Variants in SNX25 observed in about 807,000 individuals in gnomAD.
The protein encoded by SNX25 is sorting nexin 25, also known as sorting nexin-25.
SNX25 carries 62 observed loss-of-function variants against 113.7 expected under a neutral mutation model. The ratio of observed to expected loss-of-function variants is 0.55; its 90% CI spans 0.44 to 0.67. The LOEUF (loss-of-function observed/expected upper bound fraction) is 0.67, where lower values mean the gene tolerates loss of function less well. SNX25 is among the 30% of genes least tolerant of loss of function. The pLI is 0.00. For synonymous variants in SNX25, 421 were observed against 436.2 expected, an observed-to-expected ratio of 0.97 and a Z score of 0.43; for missense variants, 1,014 against 1,161.0, an observed-to-expected ratio of 0.87 and a Z score of 1.84.
intron 1 of SNX25, among the ~76,000 whole-genome samples, chr4:185,229,294 G>A (rs1474984671): frequency 6.6e-6 from 1 of 152,166 alleles, no homozygotes; most frequent in Non-Finnish European, 1.5e-5. Context: ...GAAGGGAAGG[G>A]TCAGAGGCCT....
In SNX25 at chr4:185,307,063, C is replaced by G. The variant is rs943343450; in HGVS notation, c.1163-3572C>G. On this transcript the variant is annotated intron_variant, in intron 6 of 18. Coordinates refer to ENST00000652585, the MANE Select transcript of SNX25 (RefSeq NM_001378034.2). ...AACAAGTCCATGTATTGACCTGAGG[C>G]CTGCCTGTGGCCCTTTGTGTTAAGT... Among the ~76,000 whole-genome samples, 3 of 152,320 alleles carry G rather than the reference C, an allele frequency of 2.0e-5. No individual in the cohort carries two copies. The East Asian group carries it at 5.8e-4, about 29-fold the overall frequency.
intron 6 of SNX25, among the ~76,000 whole-genome samples, chr4:185,304,519 G>A (rs1230932686): frequency 2.6e-5 from 4 of 152,018 alleles, no homozygotes; most frequent in African/African-American, 9.7e-5. Context: ...CACCATGCCC[G>A]GCTAATTTAG....
intron 1 of SNX25, among the ~76,000 whole-genome samples, chr4:185,245,000 C>G (rs985202521): frequency 3.3e-5 from 5 of 152,190 alleles, no homozygotes; most frequent in Admixed American, 3.3e-4. Flanking sequence ...TTGATTGCAT[C>G]TGTGCTGGTC....
At chr4:185,221,298 G>C (rs1207305287) in intron 1 of SNX25, among the ~76,000 whole-genome samples, 1 of 152,104 alleles carries the variant, frequency 6.6e-6, no homozygotes, top group Non-Finnish European at 1.5e-5. Flanking sequence ...CTCCCAAAGT[G>C]CTGGAATTAC....
intron 17 of SNX25, 22 bp from the exon 18 acceptor site, chr4:185,362,589 G>C (rs1427538308): frequency 1.2e-6 from 2 of 1,606,456 alleles, no homozygotes; most frequent in South Asian, 2.2e-5. Flanking sequence ...TAGCAGCATA[G>C]AATCTACACT....
At chr4:185,275,715 G>A (rs1252297301) in intron 5 of SNX25, among the ~76,000 whole-genome samples, 1 of 152,092 alleles carries the variant, frequency 6.6e-6, no homozygotes, top group African/African-American at 2.4e-5. Flanking sequence ...ATGTTGTAAA[G>A]GAACATGAAA....
intron 5 of SNX25, among the ~76,000 whole-genome samples, chr4:185,281,945 G>A (rs1302772292): frequency 3.9e-5 from 6 of 152,096 alleles, no homozygotes; most frequent in African/African-American, 1.4e-4. Context: ...GAACCTGGGA[G>A]GTGGAAGTTG....
At chr4:185,341,614 C>G (rs1579856278) in intron 11 of SNX25, among the ~76,000 whole-genome samples, 1 of 152,322 alleles carries the variant, frequency 6.6e-6, no homozygotes, top group East Asian at 1.9e-4. Flanking sequence ...GTAAAACCCA[C>G]TTCCAAGCTT....
intron 10 of SNX25, among the ~76,000 whole-genome samples, chr4:185,338,342 C>A (rs1301064543): frequency 6.7e-6 from 1 of 149,042 alleles, no homozygotes; most frequent in African/African-American, 2.5e-5. Flanking sequence ...GTGGCACGAT[C>A]TCGGCTCCCT....
intron 1 of SNX25, among the ~76,000 whole-genome samples, chr4:185,241,352 C>G (rs1579436436): frequency 6.6e-6 from 1 of 151,692 alleles, no homozygotes; most frequent in African/African-American, 2.4e-5. Context: ...GCGGCGCGCG[C>G]CTGCAATCGC....
At chr4:185,377,181 A>G in the SNX25 span, 6 of 616,316 alleles carry the variant, frequency 9.7e-6, no homozygotes, top group Non-Finnish European at 1.7e-5. Flanking sequence ...TATTACCTGA[A>G]AAAACGTCAT....
intron 7 of SNX25, among the ~76,000 whole-genome samples, chr4:185,316,069 A>T (rs865883120): frequency 1.3e-5 from 2 of 152,360 alleles, no homozygotes; most frequent in Middle Eastern, 3.4e-3. Context: ...TCCATCACCC[A>T]CAAAAGTTTT....
downstream of SNX25, chr4:185,372,879 T>G (rs572176791): frequency 3.1e-6 from 5 of 1,608,604 alleles, no homozygotes; most frequent in African/African-American, 4.0e-5. Context: ...CAACACACTT[T>G]GTAAAAAATT....
At chr4:185,302,465 A>T (rs1429378497) in intron 6 of SNX25, among the ~76,000 whole-genome samples, 2 of 151,944 alleles carry the variant, frequency 1.3e-5, no homozygotes, top group Non-Finnish European at 2.9e-5. Flanking sequence ...GAATTAGAGG[A>T]CACCCAGCAC....
rs1011999223 is a variant in SNX25 at position 185,264,422 on chromosome 4, C to A, written c.732-16C>A. The A allele has an allele frequency of 6.3e-7, 1 of 1,599,826 alleles. No individual in the cohort carries two copies. Among genetic ancestry groups the A allele is most frequent in the Non-Finnish European group, 8.5e-7 (1 of 1,173,366 alleles). ...TCTAGAAACTTCTTTCCTTCTTTTT[C>A]ACTCTCTTTATTTAGACATGAAGAA... On this transcript the variant is annotated splice_polypyrimidine_tract_variant and intron_variant, in intron 3 of 18. Transcript: ENST00000652585.
At chr4:185,314,877 CAAAAA>C (rs2095059123) in intron 7 of SNX25, among the ~76,000 whole-genome samples, 1 of 136,384 alleles carries the variant, frequency 7.3e-6, no homozygotes, top group Non-Finnish European at 1.6e-5. Context: ...AAAAAAAAGA[CAAAAA>C]GAAATAGAAA....
At chr4:185,340,652 T>C (rs1429387343) in intron 11 of SNX25, among the ~76,000 whole-genome samples, 1 of 152,126 alleles carries the variant, frequency 6.6e-6, no homozygotes, top group Non-Finnish European at 1.5e-5. Flanking sequence ...AGAATACAAA[T>C]TCTGTTACCT....
At chr4:185,218,984 G>A (rs1190109659) in intron 1 of SNX25, among the ~76,000 whole-genome samples, 2 of 152,036 alleles carry the variant, frequency 1.3e-5, no homozygotes, top group South Asian at 2.1e-4. Flanking sequence ...GCATTTCTGG[G>A]AGCCCACAGA....
chr4:185,360,950 T>TATATATATAGATAG (rs1048534398), intron 16 of SNX25, among the ~76,000 whole-genome samples: 1 of 141,760 alleles, frequency 7.1e-6, no homozygotes, highest in Non-Finnish European at 1.5e-5. Flanking sequence ...TATATATATA[T>TATATATATAGATAG]ATAGAATCTG....
Sources: gnomAD v4.1 joint callset for allele counts (sites outside exome capture counted in the v4.1 genomes callset) on GRCh38, gnomAD v4.1.1 for gene constraint, MANE v1.5 for transcripts, NCBI Gene and HGNC (gene_info 2026-07-23, HGNC 2026-07-21) for gene names.